PANK4: variants seen among roughly 807,000 people sequenced by gnomAD.
The protein encoded by PANK4 is 4'-phosphopantetheine phosphatase.
A neutral mutation model predicts 87.9 loss-of-function variants in PANK4; 40 were observed. The ratio of observed to expected loss-of-function variants is 0.46; its 90% CI spans 0.35 to 0.59. The LOEUF is 0.59. PANK4 is among the 20% of genes least tolerant of loss of function. The probability of loss-of-function intolerance (pLI) is 0.00; values close to 1 mark genes in which losing one functional copy is unlikely to be tolerated. For synonymous variants in PANK4, 524 were observed against 467.4 expected (o/e 1.12, Z -1.56); for missense variants, 926 against 1,072.3 (o/e 0.86, Z 1.90).
chr1:2,514,912 G>A (rs1440310600), intron 10 of PANK4, among the ~76,000 whole-genome samples: 3 of 151,940 alleles, frequency 2.0e-5, no homozygotes, highest in African/African-American at 7.3e-5. Flanking sequence ...CCTCAGACTC[G>A]AGCCCCCATC....
chr1:2,522,085 G>GGA (rs942692454), intron 1 of PANK4: 15 of 506,660 alleles, frequency 3.0e-5, no homozygotes, highest in Admixed American at 3.3e-5. Flanking sequence ...CAGAGGAAAG[G>GGA]GAGAGCTGTC....
At chr1:2,513,972 G>A (rs763455797) in intron 12 of PANK4, 30 bp downstream of exon 12, 23 of 1,508,278 alleles carry the variant, frequency 1.5e-5, no homozygotes, top group Admixed American at 5.0e-5. Context: ...GGACAAGAGC[G>A]AGCGGAAGGC....
rs188436483 is a variant in PANK4, at chr1:2,524,522, C to T, written c.124+1942G>A. On this transcript the variant is annotated intron_variant, in intron 1 of 18. Coordinates refer to ENST00000378466, the MANE Select transcript of PANK4 (RefSeq NM_018216.4). ...AAACTTTGAAGAGGGGAAATAAATACCAGCACTAAACAGACCTCTTAGAGT... is the reference window on the plus strand; with the variant it reads ...AAACTTTGAAGAGGGGAAATAAATATCAGCACTAAACAGACCTCTTAGAGT... Among the ~76,000 whole-genome samples the T allele has an allele frequency of 8.5e-5, 13 of 152,280 alleles. 1 individual carries two copies. In the East Asian group the frequency reaches 2.5e-3, roughly 29 times the overall value.
intron 10 of PANK4, among the ~76,000 whole-genome samples, chr1:2,514,884 C>T (rs1283347846): frequency 6.6e-6 from 1 of 152,088 alleles, no homozygotes; most frequent in Non-Finnish European, 1.5e-5. Flanking sequence ...CCAGGAAACC[C>T]GAGGCCAAGA....
At position 2,518,910 on chromosome 1, in the gene PANK4, C is replaced by A. The variant is rs551970254; in HGVS notation, c.1035+233G>T. On this transcript the variant is annotated intron_variant, in intron 7 of 18. Coordinates refer to ENST00000378466, the MANE Select transcript of PANK4 (RefSeq NM_018216.4). ...CCTGACCCCAGCGCAGATCAGCAGG[C>A]CTGCCTGGAGCTCTCTAGAATGCTC... Among the ~76,000 whole-genome samples the A allele has an allele frequency of 2.0e-4, 30 of 152,356 alleles. No homozygotes were observed. In the South Asian group the frequency reaches 6.2e-3, roughly 32 times the overall value.
intron 9 of PANK4, among the ~76,000 whole-genome samples, chr1:2,517,752 A>G (rs1336624609): frequency 6.6e-6 from 1 of 152,244 alleles, no homozygotes; most frequent in Non-Finnish European, 1.5e-5. Flanking sequence ...CATCAGCCAC[A>G]GTGCGCGGCA....
rs143863716 is a variant in PANK4 at position 2,515,643 on chromosome 1, G to A, written c.1293C>T (p.Tyr431=). 617 of 1,613,268 alleles carry A rather than the reference G, an allele frequency of 3.8e-4. No individual in the cohort carries two copies. Among genetic ancestry groups the A allele is most frequent in the Non-Finnish European group, 4.9e-4 (575 of 1,179,940 alleles). ...DLPLLLDPPS[Y]VPDTVDLTDD... ...CGGTGAGGTCCACCGTGTCGGGCAC[G>A]TAGGAGGGCGGGTCCAGGAGGAGCG... The change falls in exon 10 of 19, where the codon TAC becomes TAT. Residue 431 remains tyrosine, a synonymous_variant. Coordinates refer to ENST00000378466, the MANE Select transcript of PANK4 (RefSeq NM_018216.4). This position sits in a 1 kb window ranked among gnomAD's most constrained non-coding sequence, Gnocchi z 5.0.
chr1:2,510,637 A>C lies in PANK4; in HGVS notation c.1938+41T>G. On this transcript the variant is annotated intron_variant, in intron 16 of 18. Transcript: ENST00000378466. The surrounding 1 kb of genome is among the most constrained non-coding windows in gnomAD (Gnocchi z 4.9). ...GGCGCCAACCCCACCGAGAGCAGAG[A>C]AGCCCAGGGGAAGGGCCCCACCCAC... 6 of 1,210,588 alleles carry C rather than the reference A, an allele frequency of 5.0e-6. No individual in the cohort carries two copies. Among genetic ancestry groups the C allele is most frequent in the South Asian group, 3.6e-5 (3 of 82,422 alleles). The allele number at this position is 1,210,588 out of a possible 1,614,324, so 75.0% of individuals were successfully genotyped here.
Position 2,520,896 on chromosome 1 carries a change from CCTT to C in PANK4, c.430_432del (p.Lys144del). 2 of 1,548,744 alleles carry C rather than the reference CCTT, an allele frequency of 1.3e-6. No individual in the cohort carries two copies. The highest frequency in any genetic ancestry group is 1.3e-5 in the South Asian group (1 of 79,562). On this transcript the variant is annotated inframe_deletion, in exon 4 of 19. Transcript: ENST00000378466. The surrounding 1 kb of genome is among the most constrained non-coding windows in gnomAD (Gnocchi z 6.2). ...TTAATCAGGCACGTCATCACGTCCT[CCTT>C]GTCGACTCTGAAAAGGAAGCGCCAA...
intron 9 of PANK4, among the ~76,000 whole-genome samples, chr1:2,517,955 C>T (rs943522718): frequency 2.6e-5 from 4 of 152,232 alleles, no homozygotes; most frequent in African/African-American, 4.8e-5. Flanking sequence ...TTCCAAAATA[C>T]GAAAGCACCC....
chr1:2,519,250 G>A lies in PANK4; in HGVS notation c.928C>T (p.His310Tyr). The A allele has an allele frequency of 6.2e-7, 1 of 1,612,580 alleles. No homozygotes were observed. ...CGGTCCAGGCTGTGCAGCCGTGCGT[G>A]GAGGCAGGCCAGCTGCCCAATGTCG... ...SNDIGQLACL[H>Y]ARLHSLDRVY... The change falls in exon 7 of 19, where the codon CAC becomes TAC. Residue 310 changes from histidine to tyrosine, a missense_variant. Transcript: ENST00000378466. The surrounding 1 kb of genome is among the most constrained non-coding windows in gnomAD (Gnocchi z 8.3).
chr1:2,524,800 T>A (rs538150403), intron 1 of PANK4, among the ~76,000 whole-genome samples: 1 of 152,306 alleles, frequency 6.6e-6, no homozygotes, highest in South Asian at 2.1e-4. Flanking sequence ...TCCCCCAGTG[T>A]AAGGGCAGCA....
chr1:2,514,089 G>A lies in PANK4; in HGVS notation c.1488C>T (p.Phe496=), dbSNP rs766101245. 2 of 1,610,728 alleles carry A rather than the reference G, an allele frequency of 1.2e-6. No homozygotes were observed. Among genetic ancestry groups the A allele is most frequent in the Non-Finnish European group, 8.5e-7 (1 of 1,178,148 alleles). ...TGCGCACGGTCAGGGTCCCATAGGC[G>A]CTGGGGACAGACACGGCAGAGGGCG... ...NKLQTLRQQP[F]AYGTLTVRSL... The change falls in exon 12 of 19, where the codon TTC becomes TTT. Residue 496 remains phenylalanine, a splice_region_variant and synonymous_variant. Coordinates refer to ENST00000378466, the MANE Select transcript of PANK4 (RefSeq NM_018216.4).
Position 2,509,209 on chromosome 1 carries a change from G to C in PANK4, c.2109-149C>G, listed in dbSNP as rs112370479. The C allele has an allele frequency of 1.3e-5, 8 of 639,986 alleles. No individual in the cohort carries two copies. The highest frequency in any genetic ancestry group is 9.1e-5 in the African/African-American group (5 of 54,762). The allele number at this position is 639,986 out of a possible 1,614,324, so 39.6% of individuals were successfully genotyped here. A position where few individuals can be genotyped will look rare whatever the true frequency, so the allele number is the denominator to read the frequency against. ...CAAACCCAGCCTCCGCCTGGTAGCT[G>C]CCTCAGCCTGGGGCTTCCTCAGAGC... On this transcript the variant is annotated intron_variant, in intron 18 of 18. Transcript: ENST00000378466. This position sits in a 1 kb window ranked among gnomAD's most constrained non-coding sequence, Gnocchi z 4.9.
intron 1 of PANK4, among the ~76,000 whole-genome samples, chr1:2,524,278 TA>T (rs1410686027): frequency 6.6e-6 from 1 of 151,958 alleles, no homozygotes; most frequent in Non-Finnish European, 1.5e-5. Flanking sequence ...TGAGCTTTCC[TA>T]GATCCAGACA....
rs1643642200 is a variant in PANK4, at chr1:2,510,460, T to C, written c.1938+218A>G. 1 of 598,092 alleles carries C rather than the reference T, an allele frequency of 1.7e-6. No homozygotes were observed. Among genetic ancestry groups the C allele is most frequent in the African/African-American group, 1.9e-5 (1 of 53,634 alleles). The allele number at this position is 598,092 out of a possible 1,614,324, so 37.0% of individuals were successfully genotyped here. Reference sequence around the variant, plus strand: ...CCTTCCAGGAGCCTGGCGTCAACCCTGGGCTTCAGCACATGGACCCTCAGC... The same window carrying C: ...CCTTCCAGGAGCCTGGCGTCAACCCCGGGCTTCAGCACATGGACCCTCAGC... On this transcript the variant is annotated intron_variant, in intron 16 of 18. Coordinates refer to ENST00000378466, the MANE Select transcript of PANK4 (RefSeq NM_018216.4). This position sits in a 1 kb window ranked among gnomAD's most constrained non-coding sequence, Gnocchi z 4.9.
intron 2 of PANK4, 35 bp from the exon 3 acceptor site, chr1:2,521,350 G>T: frequency 6.6e-7 from 1 of 1,523,182 alleles, no homozygotes; most frequent in Non-Finnish European, 9.1e-7. Context: ...GCATGTGTGT[G>T]GGACACCGCG....
Position 2,521,267 on chromosome 1 carries a change from C to T in PANK4, c.256G>A (p.Glu86Lys). The T allele has an allele frequency of 1.9e-6, 3 of 1,613,980 alleles. No individual in the cohort carries two copies. Among genetic ancestry groups the T allele is most frequent in the Non-Finnish European group, 2.5e-6 (3 of 1,180,012 alleles). ...ATGAAGTGCAGTCGAGCAGTGATCT[C>T]TTCTTGAACTGAAATCTCATAGGGC... ...EPPYEISVQE[E>K]ITARLHFIKF... The change falls in exon 3 of 19, where the codon GAG becomes AAG. Residue 86 changes from glutamate to lysine, a missense_variant. Glu to Lys is a moderately conservative substitution (Grantham distance 56). Transcript: ENST00000378466.
At chr1:2,513,706 AGCCTGT>A (rs1643706611) in intron 12 of PANK4, among the ~76,000 whole-genome samples, 6 of 152,212 alleles carry the variant, frequency 3.9e-5, no homozygotes, top group Admixed American at 3.9e-4. Context: ...GCAGGCAGGC[AGCCTGT>A]GTCTGTCAGG....
Sources: gnomAD v4.1 joint callset for allele counts (sites outside exome capture counted in the v4.1 genomes callset) on GRCh38, gnomAD v4.1.1 for gene constraint, Gnocchi (gnomAD v3.1) non-coding constraint, MANE v1.5 for transcripts, NCBI Gene and HGNC (gene_info 2026-07-23, HGNC 2026-07-21) for gene names.